The following ARID4B variants were observed in gnomAD, a reference collection of about 807,000 sequenced individuals.
ARID4B encodes the protein AT-rich interactive domain-containing protein 4B.
ARID4B carries 26 observed loss-of-function variants against 147.5 expected under a neutral mutation model. The ratio of observed to expected loss-of-function variants is 0.18; its 90% CI spans 0.13 to 0.24. The LOEUF is 0.24. Among genes scored for constraint, ARID4B ranks in the 10% least tolerant of loss-of-function variants. The pLI is 1.00. For synonymous variants in ARID4B, 512 were observed against 507.9 expected, an observed-to-expected ratio of 1.01 and a Z score of -0.11; for missense variants, 1,179 against 1,511.5, an observed-to-expected ratio of 0.78 and a Z score of 3.65.
chr1:235,250,669 C>T (rs1042039083), intron 6 of ARID4B, among the ~76,000 whole-genome samples: 11 of 152,196 alleles, frequency 7.2e-5, no homozygotes, highest in African/African-American at 2.2e-4. Context: ...TACACAGCTC[C>T]GGGCACATGG....
intron 2 of ARID4B, among the ~76,000 whole-genome samples, chr1:235,322,632 T>C (rs1674919634): frequency 6.6e-6 from 1 of 152,248 alleles, no homozygotes; most frequent in South Asian, 2.1e-4. Flanking sequence ...TATGTTGGAA[T>C]ACTCATAAAT....
chr1:235,244,419 G>GT (rs1041572985), intron 7 of ARID4B, among the ~76,000 whole-genome samples: 1 of 151,898 alleles, frequency 6.6e-6, no homozygotes, highest in Non-Finnish European at 1.5e-5. Context: ...CAAACAATGG[G>GT]TAAGTTATAA....
intron 2 of ARID4B, among the ~76,000 whole-genome samples, chr1:235,285,287 T>C (rs1671902741): frequency 1.3e-5 from 2 of 152,192 alleles, no homozygotes; most frequent in Non-Finnish European, 2.9e-5. Flanking sequence ...AGTGCATTTA[T>C]TGTAGAAATG....
intron 19 of ARID4B, among the ~76,000 whole-genome samples, chr1:235,193,423 A>C (rs543109104): frequency 6.6e-6 from 1 of 152,312 alleles, no homozygotes; most frequent in African/African-American, 2.4e-5. Flanking sequence ...TAATAGTCAT[A>C]ATCAGGACAA....
chr1:235,208,617 C>A (rs534260616), intron 17 of ARID4B, among the ~76,000 whole-genome samples: 1 of 152,138 alleles, frequency 6.6e-6, no homozygotes, highest in African/African-American at 2.4e-5. Flanking sequence ...ATTCTCCTGC[C>A]TCACCCTACC....
chr1:235,277,847 A>G (rs1671438460), intron 2 of ARID4B, among the ~76,000 whole-genome samples: 1 of 152,132 alleles, frequency 6.6e-6, no homozygotes, highest in Non-Finnish European at 1.5e-5. Flanking sequence ...GTAAGGAAAC[A>G]TATTTAAGTC....
At chr1:235,210,639 T>C (rs1315092477) in intron 17 of ARID4B, among the ~76,000 whole-genome samples, 2 of 152,234 alleles carry the variant, frequency 1.3e-5, no homozygotes, top group African/African-American at 2.4e-5. Flanking sequence ...CTCCATGATG[T>C]TGGAGTGTAT....
rs529924190 is a variant in ARID4B, at chr1:235,326,976, G to A, written c.-49-8C>T. ...CACCAGGTTCAGCTGCACCTGGAGG[G>A]GAAACAAAAGACACCCAGTCAACAC... On this transcript the variant is annotated splice_region_variant and splice_polypyrimidine_tract_variant and intron_variant, in intron 1 of 23. Transcript: ENST00000264183. 43 of 1,585,750 alleles carry A rather than the reference G, an allele frequency of 2.7e-5. No homozygotes were observed. Among genetic ancestry groups the A allele is most frequent in the South Asian group, 4.4e-5 (4 of 90,398 alleles).
chr1:235,216,483 G>GCT (rs1474808279), intron 16 of ARID4B, among the ~76,000 whole-genome samples: 1 of 151,940 alleles, frequency 6.6e-6, no homozygotes, highest in East Asian at 1.9e-4. Context: ...AATAAGCTGG[G>GCT]ACTACATGCC....
In ARID4B at chr1:235,228,968, T is replaced by C. The variant is rs183512637; in HGVS notation, c.897+263A>G. The stretch of plus-strand genomic sequence containing the variant: ...CCTGGTGGATACTTTCTTAATCATC[T>C]CATTAAAAAAAGCATAGGAAGACTA... On this transcript the variant is annotated intron_variant, in intron 11 of 23. Transcript: ENST00000264183. 433 of 353,686 alleles carry C rather than the reference T, an allele frequency of 1.2e-3. 3 individuals carry two copies. The highest frequency in any genetic ancestry group is 8.9e-3 in the African/African-American group (411 of 46,134). The allele number at this position is 353,686 out of a possible 1,614,324, so 21.9% of individuals were successfully genotyped here. A position where few individuals can be genotyped will look rare whatever the true frequency, so the allele number is the denominator to read the frequency against.
At chr1:235,190,453 A>G (rs1435404775) in intron 19 of ARID4B, among the ~76,000 whole-genome samples, 1 of 122,554 alleles carries the variant, frequency 8.2e-6, no homozygotes, top group African/African-American at 2.8e-5. Flanking sequence ...ATCTCAAAAA[A>G]AGAAAAGAAA....
intron 2 of ARID4B, among the ~76,000 whole-genome samples, chr1:235,288,384 T>C (rs1672121319): frequency 6.6e-6 from 1 of 152,246 alleles, no homozygotes; most frequent in Non-Finnish European, 1.5e-5. Flanking sequence ...TGGCATATGT[T>C]CTTCCAGGTT....
At chr1:235,236,833 A>AAAAAAAAAATATATATATATATATAT (rs1175189621) in intron 8 of ARID4B, among the ~76,000 whole-genome samples, 1 of 33,518 alleles carries the variant, frequency 3.0e-5, no homozygotes, top group Non-Finnish European at 4.7e-5. Context: ...TTTTATAAAA[A>AAAAAAAAAATATATATATATATATAT]ATATATATAT....
intron 17 of ARID4B, among the ~76,000 whole-genome samples, chr1:235,199,031 G>A (rs1295455432): frequency 1.3e-5 from 2 of 152,036 alleles, no homozygotes; most frequent in Non-Finnish European, 2.9e-5. Context: ...CCCGGGAGGC[G>A]GAGGTTGCAG....
intron 22 of ARID4B, among the ~76,000 whole-genome samples, chr1:235,173,768 AAAAATAT>A (rs1352455491): frequency 2.3e-5 from 1 of 44,196 alleles, no homozygotes; most frequent in African/African-American, 1.4e-4. Flanking sequence ...AAAAAAAAAA[AAAAATAT>A]ATATATATAT....
intron 2 of ARID4B, among the ~76,000 whole-genome samples, chr1:235,317,752 G>C (rs1674536873): frequency 6.6e-6 from 1 of 152,142 alleles, no homozygotes; most frequent in Non-Finnish European, 1.5e-5. Context: ...AAAGAGCCAG[G>C]AATTTCTACC....
intron 7 of ARID4B, among the ~76,000 whole-genome samples, chr1:235,241,769 G>A (rs1417790044): frequency 6.6e-6 from 1 of 151,694 alleles, no homozygotes; most frequent in Admixed American, 6.6e-5. Context: ...CGCCCACCTC[G>A]CCTCCCAAAG....
At chr1:235,286,427 T>C (rs1049442200) in intron 2 of ARID4B, among the ~76,000 whole-genome samples, 1 of 152,164 alleles carries the variant, frequency 6.6e-6, no homozygotes, top group African/African-American at 2.4e-5. Context: ...TTTCATGGAG[T>C]GTAGTGGAGG....
At chr1:235,265,473 C>A (rs1269800922) in intron 2 of ARID4B, among the ~76,000 whole-genome samples, 1 of 151,752 alleles carries the variant, frequency 6.6e-6, no homozygotes, top group East Asian at 1.9e-4. Context: ...CCTAAGTGGG[C>A]GGACTGCTTG....
Sources: gnomAD v4.1 joint callset for allele counts (sites outside exome capture counted in the v4.1 genomes callset) on GRCh38, gnomAD v4.1.1 for gene constraint, MANE v1.5 for transcripts, NCBI Gene and HGNC (gene_info 2026-07-23, HGNC 2026-07-21) for gene names.